Variants in C11orf65 observed in about 807,000 individuals in gnomAD.
The protein encoded by C11orf65 is protein MFI.
A neutral mutation model predicts 35.3 loss-of-function variants in C11orf65; 38 were observed. The ratio of observed to expected loss-of-function variants is 1.08; its 90% CI spans 0.83 to 1.41. The LOEUF (loss-of-function observed/expected upper bound fraction) is 1.41. Ranked by LOEUF, C11orf65 falls within the 40% of genes most tolerant of loss-of-function variation. The pLI is 0.00. For missense variants in C11orf65, 370 were observed against 367.1 expected (o/e 1.01, Z -0.06); for synonymous variants, 105 against 114.4 (o/e 0.92, Z 0.53).
intron 6 of C11orf65, among the ~76,000 whole-genome samples, chr11:108,394,598 G>C (rs1331196051): frequency 1.3e-5 from 2 of 152,118 alleles, no homozygotes; most frequent in Non-Finnish European, 2.9e-5. Flanking sequence ...TCCTTACCAA[G>C]ATCATCAAAA....
chr11:108,344,194 G>A (rs1212254227), intron 2 of C11orf65, among the ~76,000 whole-genome samples: 2 of 152,246 alleles, frequency 1.3e-5, no homozygotes, highest in East Asian at 3.9e-4. Context: ...TCTGTACAGG[G>A]CACACAGGGT....
rs764146427 is a variant in C11orf65, at chr11:108,383,071, G to GATAAACATTTTCAT, written c.878_891dup (p.Gln298MetfsTer10). 5 of 1,611,740 alleles carry GATAAACATTTTCAT rather than the reference G, an allele frequency of 3.1e-6. No homozygotes were observed. The South Asian group carries it at 5.5e-5, about 18-fold the overall frequency. On this transcript the variant is annotated frameshift_variant, in exon 9 of 9. Coordinates refer to ENST00000393084, the MANE Select transcript of C11orf65 (RefSeq NM_152587.5). LOFTEE classifies it low-confidence loss of function (END_TRUNC). The stretch of plus-strand genomic sequence containing the variant: ...GTTAATCTAGTTACATTTGGTTCTT[G>GATAAACATTTTCAT]ATAAACATTTTCATAGTAAGTATCA...
At chr11:108,461,436 G>T in intron 2 of C11orf65, 43 bp downstream of exon 2, 1 of 1,418,260 alleles carries the variant, frequency 7.1e-7, no homozygotes. Context: ...TAAATTTTAT[G>T]ACATAAAAAT....
intron 2 of C11orf65, among the ~76,000 whole-genome samples, chr11:108,364,265 T>G (rs552298152): frequency 1.3e-5 from 2 of 152,350 alleles, no homozygotes; most frequent in Admixed American, 1.3e-4. Flanking sequence ...AGAATCATTC[T>G]TTATATTGTC....
intron 3 of C11orf65, among the ~76,000 whole-genome samples, chr11:108,332,206 T>C (rs1372882164): frequency 1.3e-5 from 2 of 152,096 alleles, no homozygotes; most frequent in African/African-American, 2.4e-5. Flanking sequence ...GGCGGGTGGA[T>C]TACTTGAGGT....
chr11:108,404,860 T>C (rs888470498), intron 6 of C11orf65, among the ~76,000 whole-genome samples: 11 of 152,194 alleles, frequency 7.2e-5, no homozygotes, highest in African/African-American at 2.2e-4. Context: ...TTCTCCAATG[T>C]TGGGATTCGA....
Position 108,440,183 on chromosome 11 carries a change from C to A in C11orf65, c.82-8345G>T, listed in dbSNP as rs186793447. ...AAGGTAGAGACTAACTAATCAAGGG[C>A]AAATATTGTAACTTTGCCCTTTCTA... On this transcript the variant is annotated intron_variant, in intron 2 of 8. Transcript: ENST00000393084. Among the ~76,000 whole-genome samples, 4 of 152,280 alleles carry A rather than the reference C, an allele frequency of 2.6e-5. No individual in the cohort carries two copies. The East Asian group carries it at 7.7e-4, about 29-fold the overall frequency.
intron 6 of C11orf65, among the ~76,000 whole-genome samples, chr11:108,316,995 G>A (rs542103089): frequency 3.3e-5 from 5 of 151,738 alleles, no homozygotes; most frequent in East Asian, 2.0e-4. Flanking sequence ...GTGCATTAGC[G>A]TGATCATAGT....
intron 2 of C11orf65, among the ~76,000 whole-genome samples, chr11:108,361,939 T>A (rs1187012099): frequency 1.2e-4 from 17 of 142,796 alleles, no homozygotes; most frequent in Non-Finnish European, 2.3e-4. Context: ...AAAGCCAAAA[T>A]TGACAAATGG....
intron 2 of C11orf65, among the ~76,000 whole-genome samples, chr11:108,459,857 C>T (rs897358493): frequency 2.0e-5 from 3 of 151,994 alleles, no homozygotes; most frequent in Non-Finnish European, 2.9e-5. Context: ...AGGAACACAA[C>T]AGCTAGTCAA....
At chr11:108,445,887 C>T (rs1365090826) in intron 2 of C11orf65, among the ~76,000 whole-genome samples, 1 of 151,922 alleles carries the variant, frequency 6.6e-6, no homozygotes, top group African/African-American at 2.4e-5. Flanking sequence ...AAAAATTAGA[C>T]GAATGGATAA....
At chr11:108,342,093 GTTTT>G (rs35119654) in intron 2 of C11orf65, among the ~76,000 whole-genome samples, 1 of 151,048 alleles carries the variant, frequency 6.6e-6, no homozygotes, top group Non-Finnish European at 1.5e-5. Flanking sequence ...TTTTTTTGCA[GTTTT>G]TTTTTCTTTT....
At chr11:108,427,439 C>T (rs1025424396) in intron 3 of C11orf65, among the ~76,000 whole-genome samples, 1 of 84 alleles carries the variant, frequency 0.012, no homozygotes, top group Non-Finnish European at 0.02. Flanking sequence ...TTAAAAAGCT[C>T]GGCCGGGCGC....
At chr11:108,348,792 C>A (rs1247627234) in intron 2 of C11orf65, among the ~76,000 whole-genome samples, 1 of 151,454 alleles carries the variant, frequency 6.6e-6, no homozygotes, top group East Asian at 1.9e-4. Flanking sequence ...AAGAAGAAAA[C>A]CCTGTCTTTT....
intron 6 of C11orf65, chr11:108,325,209 A>G (rs1433332414): frequency 6.3e-6 from 5 of 797,836 alleles, no homozygotes; most frequent in Non-Finnish European, 9.9e-6. Context: ...GTTCCTTTGT[A>G]TTATTATAAT....
intron 2 of C11orf65, among the ~76,000 whole-genome samples, chr11:108,369,732 A>G (rs1177530162): frequency 6.6e-6 from 1 of 152,192 alleles, no homozygotes; most frequent in East Asian, 1.9e-4. Context: ...GTATGATCCA[A>G]AAGCAGTGGT....
At chr11:108,388,658 C>T (rs1794037587) in intron 7 of C11orf65, among the ~76,000 whole-genome samples, 1 of 152,308 alleles carries the variant, frequency 6.6e-6, no homozygotes, top group Non-Finnish European at 1.5e-5. Context: ...CTGGTGATTG[C>T]TTAATAGGTA....
At chr11:108,416,813 C>T (rs2092739646) in intron 3 of C11orf65, among the ~76,000 whole-genome samples, 1 of 152,072 alleles carries the variant, frequency 6.6e-6, no homozygotes, top group Non-Finnish European at 1.5e-5. Flanking sequence ...TGCAAAATGG[C>T]ACAGCCACTT....
intron 6 of C11orf65, chr11:108,310,013 T>C (rs1407719955): frequency 1.3e-6 from 1 of 742,804 alleles, no homozygotes; most frequent in African/African-American, 1.8e-5. Flanking sequence ...TTATAATGTT[T>C]ATAGGTATAT....
Sources: allele counts gnomAD v4.1 joint callset (sites outside exome capture counted in the v4.1 genomes callset), GRCh38; gene constraint gnomAD v4.1.1; transcripts MANE v1.5; gene names NCBI Gene and HGNC (gene_info 2026-07-23, HGNC 2026-07-21).